Variants in SCTR observed in about 807,000 individuals in gnomAD.
SCTR encodes the protein pancreatic secretin receptor.
A neutral mutation model predicts 60.8 loss-of-function variants in SCTR; 56 were observed. The ratio of observed to expected loss-of-function variants is 0.92; its 90% CI spans 0.74 to 1.15. The LOEUF is 1.15. SCTR is among the 50% of genes most tolerant of loss of function. The probability of loss-of-function intolerance (pLI) is 0.00; values close to 1 mark genes in which losing one functional copy is unlikely to be tolerated. For synonymous variants in SCTR, 202 were observed against 217.0 expected (o/e 0.93, Z 0.61); for missense variants, 562 against 550.4 (o/e 1.02, Z -0.21).
intron 1 of SCTR, among the ~76,000 whole-genome samples, chr2:119,522,153 G>A (rs565301233): frequency 3.3e-5 from 5 of 152,084 alleles, no homozygotes; most frequent in East Asian, 1.9e-4. Flanking sequence ...AAAATTGGCC[G>A]AGCATGGTGG....
intron 3 of SCTR, 130 bp downstream of exon 3, chr2:119,478,681 G>T: frequency 1.3e-6 from 1 of 754,490 alleles, no homozygotes. Context: ...CCTTTGCAGT[G>T]ATCTCCCCCA....
At chr2:119,523,509 G>A (rs189770102) in intron 1 of SCTR, among the ~76,000 whole-genome samples, 2 of 151,504 alleles carry the variant, frequency 1.3e-5, no homozygotes, top group Non-Finnish European at 2.9e-5. Flanking sequence ...CACCAGGCAC[G>A]CAGACATTAG....
At chr2:119,494,122 C>T (rs1275700666) in intron 2 of SCTR, among the ~76,000 whole-genome samples, 1 of 152,154 alleles carries the variant, frequency 6.6e-6, no homozygotes, top group East Asian at 1.9e-4. Flanking sequence ...GGAGAACTGT[C>T]TTGCAGAGAA....
chr2:119,523,402 TA>T (rs1679348291), intron 1 of SCTR, among the ~76,000 whole-genome samples: 1 of 140,200 alleles, frequency 7.1e-6, no homozygotes, highest in Non-Finnish European at 1.5e-5. Context: ...CTATTATTAT[TA>T]TTATTATTAT....
intron 10 of SCTR, 56 bp from the exon 11 acceptor site, chr2:119,446,941 C>G: frequency 7.3e-7 from 1 of 1,371,850 alleles, no homozygotes; most frequent in Non-Finnish European, 9.5e-7. Context: ...CCTTTCTCCT[C>G]CTGTAGGCAC....
At chr2:119,518,093 A>G (rs1216806096) in intron 1 of SCTR, among the ~76,000 whole-genome samples, 2 of 152,198 alleles carry the variant, frequency 1.3e-5, no homozygotes, top group Non-Finnish European at 2.9e-5. Flanking sequence ...AGCCAGGAAG[A>G]GGGTCCCCAC....
At chr2:119,490,378 G>T (rs926089050) in intron 2 of SCTR, among the ~76,000 whole-genome samples, 3 of 152,160 alleles carry the variant, frequency 2.0e-5, no homozygotes, top group African/African-American at 7.2e-5. Context: ...ACAAATGAGG[G>T]CCGGGAGTGC....
chr2:119,466,375 A>C (rs1234884074), intron 4 of SCTR, among the ~76,000 whole-genome samples: 1 of 152,208 alleles, frequency 6.6e-6, no homozygotes, highest in Non-Finnish European at 1.5e-5. Context: ...GAAAAGTTAC[A>C]AAGGTCATAC....
At chr2:119,512,521 C>T (rs928953994) in intron 1 of SCTR, among the ~76,000 whole-genome samples, 12 of 146,556 alleles carry the variant, frequency 8.2e-5, no homozygotes, top group South Asian at 4.1e-4. Context: ...CTCAGCCTCC[C>T]GAGTAGCTGG....
At chr2:119,490,047 C>G (rs1678053578) in intron 2 of SCTR, among the ~76,000 whole-genome samples, 1 of 152,216 alleles carries the variant, frequency 6.6e-6, no homozygotes, top group Admixed American at 6.5e-5. Context: ...TTGGCTGCAC[C>G]TCTGGCTGGC....
intron 1 of SCTR, among the ~76,000 whole-genome samples, chr2:119,511,776 A>C (rs895675093): frequency 6.6e-6 from 1 of 152,210 alleles, no homozygotes; most frequent in African/African-American, 2.4e-5. Context: ...ATTCTCTAGT[A>C]ACCTCCTAAG....
At chr2:119,444,556 C>T (rs192771330) in intron 11 of SCTR, among the ~76,000 whole-genome samples, 1,007 of 2,832 alleles carry the variant, frequency 0.36, 416 homozygotes, top group South Asian at 0.56. Flanking sequence ...TATATACGTA[C>T]GAATATATAT....
chr2:119,503,592 T>C (rs545541773), intron 1 of SCTR, among the ~76,000 whole-genome samples: 56 of 151,974 alleles, frequency 3.7e-4, no homozygotes, highest in Non-Finnish European at 6.8e-4. Flanking sequence ...AAAACTTTGG[T>C]GACAGTAAAA....
rs111859227 is a variant in SCTR at position 119,494,090 on chromosome 2, G to A, written c.193+338C>T. On this transcript the variant is annotated intron_variant, in intron 2 of 12. Transcript: ENST00000019103. ...ACTACCTCACTCATGGAGCTGGCAG[G>A]GAGGTGGGAGGATGAATGAGAGGAG... Among the ~76,000 whole-genome samples the A allele has an allele frequency of 6.9e-4, 105 of 152,330 alleles. No homozygotes were observed. The South Asian group carries it at 0.011, about 15-fold the overall frequency.
At chr2:119,515,141 T>C (rs1679073625) in intron 1 of SCTR, among the ~76,000 whole-genome samples, 1 of 152,136 alleles carries the variant, frequency 6.6e-6, no homozygotes, top group Non-Finnish European at 1.5e-5. Context: ...GACATGAAGG[T>C]GAATGGGACA....
In SCTR at chr2:119,464,094, C is replaced by T. The variant is rs563790363; in HGVS notation, c.636+29G>A. 521 of 1,612,946 alleles carry T rather than the reference C, an allele frequency of 3.2e-4. 3 individuals carry two copies. In the South Asian group the frequency reaches 5.3e-3, roughly 16 times the overall value. On this transcript the variant is annotated intron_variant, in intron 6 of 12. Transcript: ENST00000019103. ...GGCTGGGGAAGGCAGGCGGGCCTGG[C>T]GACATCCTGGGGCACCCAGACATAT... is the stretch of plus-strand genomic sequence containing the variant.
At chr2:119,464,034 G>A in intron 6 of SCTR, 89 bp downstream of exon 6, 1 of 1,397,094 alleles carries the variant, frequency 7.2e-7, no homozygotes, top group African/African-American at 1.4e-5. Flanking sequence ...GGGCTTGGGG[G>A]AAGGACAACT....
chr2:119,476,369 G>A (rs986033450), intron 3 of SCTR: 6 of 152,238 alleles, frequency 3.9e-5, no homozygotes, highest in Admixed American at 3.3e-4. Context: ...GGAGCCCAGA[G>A]CCCAATAGGC....
chr2:119,462,540 T>C (rs1683655360), intron 6 of SCTR, among the ~76,000 whole-genome samples: 2 of 152,252 alleles, frequency 1.3e-5, no homozygotes, highest in African/African-American at 2.4e-5. Flanking sequence ...GGGGATGTCA[T>C]GGAGTTGGAC....
Sources: allele counts gnomAD v4.1 joint callset (sites outside exome capture counted in the v4.1 genomes callset), GRCh38; gene constraint gnomAD v4.1.1; transcripts MANE v1.5; gene names NCBI Gene and HGNC (gene_info 2026-07-23, HGNC 2026-07-21).